The following COL4A3 variants were observed in gnomAD, a reference collection of about 807,000 sequenced individuals.
COL4A3 encodes collagen alpha-3(IV) chain.
A neutral mutation model predicts 217.4 loss-of-function variants in COL4A3; 135 were observed. The observed-to-expected ratio is 0.62, with a 90% CI of 0.54 to 0.72. The LOEUF is 0.72. COL4A3 is among the 30% of genes least tolerant of loss of function. The pLI is 0.00. For missense variants in COL4A3, 1,868 were observed against 2,119.9 expected (o/e 0.88, Z 2.33); for synonymous variants, 690 against 736.3 (o/e 0.94, Z 1.02).
chr2:227,309,959 T>A (rs2073678268), intron 50 of COL4A3, among the ~76,000 whole-genome samples: 1 of 152,272 alleles, frequency 6.6e-6, no homozygotes, highest in Non-Finnish European at 1.5e-5. Flanking sequence ...ATAACTGCTT[T>A]ACATACATTC....
At chr2:227,268,026 C>T (rs1308348729) in intron 23 of COL4A3, among the ~76,000 whole-genome samples, 1 of 152,162 alleles carries the variant, frequency 6.6e-6, no homozygotes, top group Non-Finnish European at 1.5e-5. Context: ...TCCTCTGCCC[C>T]TCGGGCCACT....
chr2:227,202,893 ATG>A (rs1350439260), intron 1 of COL4A3, among the ~76,000 whole-genome samples: 1 of 39,558 alleles, frequency 2.5e-5, no homozygotes, highest in Non-Finnish European at 4.2e-5. Flanking sequence ...ATGTGTATAT[ATG>A]TGTATATATG....
intron 1 of COL4A3, among the ~76,000 whole-genome samples, chr2:227,173,744 G>T (rs973311006): frequency 3.3e-5 from 5 of 152,204 alleles, no homozygotes; most frequent in Admixed American, 6.5e-5. Flanking sequence ...CAATACATCT[G>T]TAATATTATC....
intron 1 of COL4A3, among the ~76,000 whole-genome samples, chr2:227,223,240 T>A (rs1383955141): frequency 6.6e-6 from 1 of 152,102 alleles, no homozygotes; most frequent in East Asian, 1.9e-4. Flanking sequence ...AGGGGAAAAG[T>A]ATGGTTACTA....
chr2:227,248,603 C>A, intron 9 of COL4A3, 83 bp downstream of exon 9: 1 of 912,572 alleles, frequency 1.1e-6, no homozygotes, highest in African/African-American at 1.6e-5. Flanking sequence ...CTTCGTCTCT[C>A]TTTTCCCCCA....
chr2:227,301,331 T>G (rs2073279302), intron 43 of COL4A3, among the ~76,000 whole-genome samples: 1 of 152,212 alleles, frequency 6.6e-6, no homozygotes, highest in Non-Finnish European at 1.5e-5. Flanking sequence ...ACAATTCATA[T>G]GTAAATACAG....
chr2:227,306,126 T>G (rs536362925), intron 47 of COL4A3, among the ~76,000 whole-genome samples: 4 of 152,356 alleles, frequency 2.6e-5, no homozygotes, highest in African/African-American at 9.6e-5. Context: ...TTATTAAGAA[T>G]TCTATTAATT....
chr2:227,308,906 T>A lies in COL4A3; in HGVS notation c.4470T>A (p.Leu1490=). ...QRAHGQDLGT[L]GSCLQRFTTM... ...AGTCTGATGTTTCATTAGGAACTCTTGGCAGCTGCCTGCAGCGATTTACCA... is the reference window on the plus strand; with the variant it reads ...AGTCTGATGTTTCATTAGGAACTCTAGGCAGCTGCCTGCAGCGATTTACCA... Residue 1490 remains leucine, a synonymous_variant, in exon 49 of 52, where the codon CTT becomes CTA. Coordinates refer to ENST00000396578, the MANE Select transcript of COL4A3 (RefSeq NM_000091.5). The A allele has an allele frequency of 6.2e-7, 1 of 1,614,022 alleles. No individual in the cohort carries two copies.
At position 227,191,516 on chromosome 2, in the gene COL4A3, T is replaced by C. The variant is rs2066239675; in HGVS notation, c.87+26703T>C. 1.3e-5 allele frequency among the ~76,000 whole-genome samples: 2 copies of C among 152,206 alleles called. No individual in the cohort carries two copies. On this transcript the variant is annotated intron_variant, in intron 1 of 51. Transcript: ENST00000396578. This position sits in a 1 kb window ranked among gnomAD's most constrained non-coding sequence, Gnocchi z 6.8. ...ACGGTGCATTTGTGGAGCTCCCCTGTTGGCCATTCCCCGCATCAAGGATTC... is the reference window on the plus strand; with the variant it reads ...ACGGTGCATTTGTGGAGCTCCCCTGCTGGCCATTCCCCGCATCAAGGATTC...
intron 20 of COL4A3, among the ~76,000 whole-genome samples, chr2:227,261,876 C>T (rs1276672609): frequency 2.0e-5 from 3 of 152,096 alleles, no homozygotes; most frequent in Non-Finnish European, 4.4e-5. Flanking sequence ...GAGTGTTTAC[C>T]TTTTGAGAGA....
At chr2:227,198,752 A>G (rs2066577160) in intron 1 of COL4A3, among the ~76,000 whole-genome samples, 3 of 152,218 alleles carry the variant, frequency 2.0e-5, no homozygotes, top group African/African-American at 7.2e-5. Context: ...AAGTTGAGAG[A>G]GAAGAGCCTG....
At chr2:227,208,353 C>T (rs2067180037) in intron 1 of COL4A3, among the ~76,000 whole-genome samples, 3 of 152,110 alleles carry the variant, frequency 2.0e-5, no homozygotes, top group South Asian at 2.1e-4. Context: ...CCAAATTGCT[C>T]CTGGGGGTAA....
chr2:227,221,038 GTTGCAGACAGACGTTA>G (rs1042927284), intron 1 of COL4A3: 1 of 152,222 alleles, frequency 6.6e-6, no homozygotes, highest in African/African-American at 2.4e-5. Context: ...TGTCCAATGA[GTTGCAGACAGACGTTA>G]TTGCTGGAAT....
At chr2:227,288,225 T>C (rs1024146496) in intron 34 of COL4A3, among the ~76,000 whole-genome samples, 81 of 152,268 alleles carry the variant, frequency 5.3e-4, no homozygotes, top group African/African-American at 1.8e-3. Flanking sequence ...GCCTCCCAAG[T>C]AGCTGGGATT....
chr2:227,192,099 T>C (rs1179258564), intron 1 of COL4A3, among the ~76,000 whole-genome samples: 2 of 152,250 alleles, frequency 1.3e-5, no homozygotes. Flanking sequence ...TTCATTTTTA[T>C]CTCTCTTTGC....
chr2:227,247,393 C>T (rs2069412489), intron 7 of COL4A3, among the ~76,000 whole-genome samples, 165 bp from the exon 8 acceptor site: 1 of 152,090 alleles, frequency 6.6e-6, no homozygotes, highest in African/African-American at 2.4e-5. Flanking sequence ...AGAGACAGGA[C>T]AATATGGTGG....
At chr2:227,235,795 TGGA>T (rs1559852639) in intron 1 of COL4A3, among the ~76,000 whole-genome samples, 24 of 137,990 alleles carry the variant, frequency 1.7e-4, no homozygotes, top group African/African-American at 3.1e-4. Context: ...TTTTTTTTAA[TGGA>T]GTTTTGCTCT....
chr2:227,165,575 T>C (rs761299679), intron 1 of COL4A3, among the ~76,000 whole-genome samples: 34 of 152,232 alleles, frequency 2.2e-4, no homozygotes, highest in Non-Finnish European at 4.6e-4. Context: ...TGATTTTACC[T>C]TGTGAAAGTA....
rs201109911 is a variant in COL4A3 at position 227,273,077 on chromosome 2, G to A, written c.1887G>A (p.Thr629=). ...GPQGEPGLQG[T]QGVPGAPGPP... ...AAGGAGAACCTGGTCTCCAGGGCAC[G>A]CAAGGAGTTCCTGGAGCCCCCGGAC... Residue 629 remains threonine (T), a synonymous_variant, in exon 26 of 52, where the codon ACG becomes ACA. Coordinates refer to ENST00000396578, the MANE Select transcript of COL4A3 (RefSeq NM_000091.5). The A allele has an allele frequency of 3.4e-5, 55 of 1,613,930 alleles. No individual in the cohort carries two copies. The highest frequency in any genetic ancestry group is 5.3e-5 in the African/African-American group (4 of 74,918).
Sources: gnomAD v4.1 joint callset for allele counts (sites outside exome capture counted in the v4.1 genomes callset) on GRCh38, gnomAD v4.1.1 for gene constraint, Gnocchi (gnomAD v3.1) non-coding constraint, MANE v1.5 for transcripts, NCBI Gene and HGNC (gene_info 2026-07-23, HGNC 2026-07-21) for gene names.